PCMT1: variants seen among roughly 807,000 people sequenced by gnomAD.
PCMT1 encodes the protein protein-L-isoaspartate (D-aspartate) O-methyltransferase, also known as protein-L-isoaspartate(D-aspartate) O-methyltransferase.
Under a neutral mutation model 29.2 loss-of-function variants are expected in PCMT1, and 9 were observed. The observed-to-expected ratio is 0.31, with a 90% CI of 0.19 to 0.54. PCMT1 has a LOEUF of 0.54. Ranked by LOEUF, PCMT1 falls within the 20% of genes least tolerant of loss-of-function variation. The probability of loss-of-function intolerance (pLI) is 0.95; values close to 1 mark genes in which losing one functional copy is unlikely to be tolerated. For missense variants in PCMT1, 184 were observed against 282.2 expected (o/e 0.65, Z 2.49); for synonymous variants, 98 against 97.5 (o/e 1.00, Z -0.03).
intron 1 of PCMT1, chr6:149,765,613 G>A: frequency 3.3e-6 from 1 of 304,324 alleles, no homozygotes; most frequent in South Asian, 2.7e-5. Context: ...TGGAAAGTTT[G>A]TATTTATACC....
chr6:149,796,424 G>A lies in PCMT1; in HGVS notation c.428G>A (p.Gly143Glu), dbSNP rs1244560062. The A allele has an allele frequency of 6.2e-7, 1 of 1,612,678 alleles. No homozygotes were observed. The highest frequency in any genetic ancestry group is 1.7e-5 in the Admixed American group (1 of 59,864). ...GCTGTTTTTCTTTCAGTGGGGGATG[G>A]AAGAATGGGATATGCTGAAGAAGCC... ...SGRVQLVVGD[G>E]RMGYAEEAPY... Residue 143 changes from glycine (G) to glutamate (E), a missense_variant, in exon 6 of 8, where the codon GGA (glycine) becomes GAA (glutamate). Physicochemically the swap from Gly to Glu is moderately conservative, Grantham distance 98. Transcript: ENST00000464889.
At chr6:149,773,630 C>T (rs991478921) in intron 3 of PCMT1, among the ~76,000 whole-genome samples, 35 of 152,294 alleles carry the variant, frequency 2.3e-4, no homozygotes, top group African/African-American at 7.7e-4. Context: ...CCGCCTGCCT[C>T]GGCCTCCCAA....
At chr6:149,809,067 C>G (rs920241259) in intron 7 of PCMT1, among the ~76,000 whole-genome samples, 16 of 150,206 alleles carry the variant, frequency 1.1e-4, no homozygotes, top group African/African-American at 3.6e-4. Context: ...CCAGCCTGAG[C>G]AACGTGGTGA....
intron 7 of PCMT1, 156 bp downstream of exon 7, chr6:149,802,572 G>A: frequency 9.0e-7 from 1 of 1,105,124 alleles, no homozygotes. Flanking sequence ...ATATATCTTT[G>A]GGAAAGGGAG....
In PCMT1 at chr6:149,773,421, C is replaced by T. The variant is rs186480410; in HGVS notation, c.192+252C>T. ...TGAGATGGAGTCTCGCTCTGTCGCCCAGGCTAGAGTGCAGTGGCACAATCT... is the reference window on the plus strand; with the variant it reads ...TGAGATGGAGTCTCGCTCTGTCGCCTAGGCTAGAGTGCAGTGGCACAATCT... On this transcript the variant is annotated intron_variant, in intron 3 of 7. Transcript: ENST00000464889. Among the ~76,000 whole-genome samples the T allele has an allele frequency of 1.9e-4, 29 of 152,108 alleles. No individual in the cohort carries two copies. In the East Asian group the frequency reaches 5.4e-3, roughly 28 times the overall value.
At chr6:149,789,066 A>ATTTTTTTTTTTT (rs56661461) in intron 3 of PCMT1, among the ~76,000 whole-genome samples, 2 of 90,476 alleles carry the variant, frequency 2.2e-5, no homozygotes, top group Non-Finnish European at 3.9e-5. Flanking sequence ...ATTGGATCTG[A>ATTTTTTTTTTTT]TTTTTTTTTT....
chr6:149,777,932 A>G (rs1278476320), intron 3 of PCMT1, among the ~76,000 whole-genome samples: 2 of 127,746 alleles, frequency 1.6e-5, no homozygotes, highest in African/African-American at 6.2e-5. Context: ...GCTGGAGTGC[A>G]GTGGGGTGAT....
chr6:149,809,904 C>G (rs1318686012), intron 7 of PCMT1: 1 of 152,092 alleles, frequency 6.6e-6, no homozygotes, highest in Non-Finnish European at 1.5e-5. Flanking sequence ...CTCACATTAC[C>G]TTCAGCTATG....
intron 1 of PCMT1, among the ~76,000 whole-genome samples, chr6:149,753,491 C>T (rs1427962143): frequency 1.3e-5 from 2 of 152,100 alleles, no homozygotes; most frequent in African/African-American, 2.4e-5. Context: ...CGCCACCACA[C>T]CCAGCTAATT....
chr6:149,766,172 T>C (rs1787076190), intron 1 of PCMT1, among the ~76,000 whole-genome samples: 1 of 152,102 alleles, frequency 6.6e-6, no homozygotes, highest in Non-Finnish European at 1.5e-5. Context: ...CATGTTCCTA[T>C]CCTTATTTCT....
At chr6:149,761,180 C>CAT (rs1786725082) in intron 1 of PCMT1, among the ~76,000 whole-genome samples, 1 of 149,756 alleles carries the variant, frequency 6.7e-6, no homozygotes. Flanking sequence ...ACATGAAATA[C>CAT]ACACACACAC....
In PCMT1 at chr6:149,786,311, C is replaced by CGG. The variant is rs569000019; in HGVS notation, c.193-3639_193-3638dup. 6.8e-5 allele frequency among the ~76,000 whole-genome samples: 2 copies of CGG among 29,400 alleles called. 1 individual carries two copies. The highest frequency in any genetic ancestry group is 9.3e-5 in the Non-Finnish European group (2 of 21,570). 19.3% of individuals were successfully genotyped at this position (29,400 alleles called of 152,430 possible). A position where few individuals can be genotyped will look rare whatever the true frequency, so the allele number is the denominator to read the frequency against. On this transcript the variant is annotated intron_variant, in intron 3 of 7. Transcript: ENST00000464889. ...CTCCAGGACGGGGCGGCTGGCCGGG[C>CGG]GGGGGCTGACCCCCCCACCTCCCTC...
In PCMT1 at chr6:149,774,561, G is replaced by A. The variant is rs1049806112; in HGVS notation, c.192+1392G>A. 4.9e-5 allele frequency among the ~76,000 whole-genome samples: 7 copies of A among 143,680 alleles called. 1 individual carries two copies. The highest frequency in any genetic ancestry group is 7.7e-5 in the African/African-American group (3 of 39,004). The allele number at this position is 143,680 out of a possible 152,430, so 94.3% of individuals were successfully genotyped here. A position where few individuals can be genotyped will look rare whatever the true frequency, so the allele number is the denominator to read the frequency against. ...GTCTTTTTTTTTTTTTTTTTGAGAC[G>A]GAGTTTCGTTCTTGTGCCCAGGCTG... On this transcript the variant is annotated intron_variant, in intron 3 of 7. Coordinates refer to ENST00000464889, the MANE Select transcript of PCMT1 (RefSeq NM_001360452.2).
At chr6:149,809,647 T>C (rs1298239530) in intron 7 of PCMT1, among the ~76,000 whole-genome samples, 3 of 152,168 alleles carry the variant, frequency 2.0e-5, no homozygotes, top group African/African-American at 7.2e-5. Flanking sequence ...TCTTCTTCCC[T>C]TCAAATTTAT....
intron 1 of PCMT1, among the ~76,000 whole-genome samples, chr6:149,754,724 C>T (rs552689523): frequency 2.0e-5 from 3 of 152,278 alleles, no homozygotes; most frequent in East Asian, 1.9e-4. Context: ...ACTCTCTGGA[C>T]GTCCCACTTG....
Position 149,802,370 on chromosome 6 carries a change from G to A in PCMT1, c.675G>A (p.Arg225=). 1 of 1,605,940 alleles carries A rather than the reference G, an allele frequency of 6.2e-7. No individual in the cohort carries two copies. Among genetic ancestry groups the A allele is most frequent in the Non-Finnish European group, 8.5e-7 (1 of 1,175,268 alleles). Residue 225 remains arginine (R), a synonymous_variant, in exon 7 of 8, where the codon AGG becomes AGA. Transcript: ENST00000464889. ...PLTDKEKQWS[R]WK ...CAGATAAAGAAAAGCAGTGGTCCAGGTGGAAGTGATTTTATCTTCTGCTCT... is the reference window on the plus strand; with the variant it reads ...CAGATAAAGAAAAGCAGTGGTCCAGATGGAAGTGATTTTATCTTCTGCTCT...
intron 3 of PCMT1, among the ~76,000 whole-genome samples, chr6:149,775,303 C>T (rs10872652): frequency 0.53 from 81,236 of 151,960 alleles, 24,937 homozygotes; most frequent in East Asian, 0.83. Flanking sequence ...GTAATGTCTT[C>T]TTGAAACATG....
chr6:149,798,590 C>T (rs1788706202), intron 6 of PCMT1, among the ~76,000 whole-genome samples: 1 of 152,092 alleles, frequency 6.6e-6, no homozygotes, highest in Non-Finnish European at 1.5e-5. Context: ...GATATCACCC[C>T]AAGATAACCA....
rs1418468312 is a variant in PCMT1, at chr6:149,810,704, C to T, written c.*126C>T. ...GTCCTCAAAGCTTTTTGAAAACCAACACCATCACAGCTTGTTTTGGACTTT... is the reference window on the plus strand; with the variant it reads ...GTCCTCAAAGCTTTTTGAAAACCAATACCATCACAGCTTGTTTTGGACTTT... On this transcript the variant is annotated 3_prime_UTR_variant, in exon 8 of 8. Coordinates refer to ENST00000464889, the MANE Select transcript of PCMT1 (RefSeq NM_001360452.2). The T allele has an allele frequency of 1.3e-5, 14 of 1,080,706 alleles. No individual in the cohort carries two copies. The highest frequency in any genetic ancestry group is 1.9e-5 in the Non-Finnish European group (14 of 724,052). The allele number at this position is 1,080,706 out of a possible 1,614,324, so 66.9% of individuals were successfully genotyped here.
Sources: allele counts gnomAD v4.1 joint callset (sites outside exome capture counted in the v4.1 genomes callset), GRCh38; gene constraint gnomAD v4.1.1; transcripts MANE v1.5; gene names NCBI Gene and HGNC (gene_info 2026-07-23, HGNC 2026-07-21).